GRK1: variants seen among roughly 807,000 people sequenced by gnomAD.
GRK1 encodes G protein-coupled receptor kinase 1.
GRK1 carries 28 observed loss-of-function variants against 41.7 expected under a neutral mutation model. The observed-to-expected ratio is 0.67, with a 90% CI of 0.50 to 0.92. GRK1 has a LOEUF of 0.92. Among genes scored for constraint, GRK1 ranks in the 40% least tolerant of loss-of-function variants. The pLI is 0.00. For missense variants in GRK1, 703 were observed against 671.2 expected (o/e 1.05, Z -0.52); for synonymous variants, 327 against 286.7 (o/e 1.14, Z -1.42).
the GRK1 span, chr13:113,649,319 G>C: frequency 6.5e-7 from 1 of 1,544,944 alleles, no homozygotes; most frequent in Non-Finnish European, 8.8e-7. This position sits in a 1 kb window ranked among gnomAD's most constrained non-coding sequence, Gnocchi z 4.7. Flanking sequence ...GCCCAACCAG[G>C]AGGGTGTCCT....
At chr13:113,734,065 T>C (rs891383990) in intron 6 of GRK1, among the ~76,000 whole-genome samples, 1 of 152,076 alleles carries the variant, frequency 6.6e-6, no homozygotes, top group Non-Finnish European at 1.5e-5. Flanking sequence ...TGTGTGCATG[T>C]GTGTGCGTGT....
At chr13:113,660,530 A>G in the GRK1 span, among the ~76,000 whole-genome samples, 2 of 152,254 alleles carry the variant, frequency 1.3e-5, no homozygotes, top group African/African-American at 4.8e-5. Flanking sequence ...GTTTCAGTAG[A>G]TAACCACTCA....
Position 113,667,441 on chromosome 13 carries a change from C to A in GRK1, c.55C>A (p.Arg19=). The A allele has an allele frequency of 6.2e-7, 1 of 1,606,086 alleles. No homozygotes were observed. The highest frequency in any genetic ancestry group is 2.2e-5 in the East Asian group (1 of 44,584). ...VVANSAFIAA[R]GSFDGSSSQP... is the part of the protein sequence containing the mutation. The stretch of plus-strand genomic sequence containing the variant: ...GGCCAACTCTGCCTTCATCGCCGCC[C>A]GAGGCAGCTTTGACGGCAGCAGCTC... Residue 19 remains arginine, a synonymous_variant, in exon 1 of 7, where the codon CGA becomes AGA. Coordinates refer to ENST00000335678, the MANE Select transcript of GRK1 (RefSeq NM_002929.3). The surrounding 1 kb of genome is among the most constrained non-coding windows in gnomAD (Gnocchi z 7.5).
At chr13:113,728,383 A>G (rs1200843872) in intron 4 of GRK1, among the ~76,000 whole-genome samples, 1 of 141,316 alleles carries the variant, frequency 7.1e-6, no homozygotes, top group Non-Finnish European at 1.5e-5. Flanking sequence ...CATGGCGAGG[A>G]GTACCCATGG....
rs1847239448 is a variant in GRK1, at chr13:113,671,399, G to A, written c.828-100G>A. ...GGCCAGGCCTCAAAACGACCAGAAC[G>A]CTGGCCGAGAGACATGGTTCTGAGG... On this transcript the variant is annotated intron_variant, in intron 2 of 6. Transcript: ENST00000335678. This position sits in a 1 kb window ranked among gnomAD's most constrained non-coding sequence, Gnocchi z 4.1. 3 of 746,162 alleles carry A rather than the reference G, an allele frequency of 4.0e-6. No homozygotes were observed. The highest frequency in any genetic ancestry group is 2.5e-5 in the East Asian group (1 of 40,766). The allele number at this position is 746,162 out of a possible 1,614,324, so 46.2% of individuals were successfully genotyped here.
chr13:113,663,114 A>C (rs1027543759), upstream of GRK1, among the ~76,000 whole-genome samples: 1 of 152,210 alleles, frequency 6.6e-6, no homozygotes, highest in Non-Finnish European at 1.5e-5. Flanking sequence ...TGTGGTGATC[A>C]AGATTGTATG....
chr13:113,663,655 G>A (rs1429472189), upstream of GRK1, among the ~76,000 whole-genome samples: 1 of 152,206 alleles, frequency 6.6e-6, no homozygotes, highest in Non-Finnish European at 1.5e-5. Flanking sequence ...AAGATGTGAA[G>A]AGACATTTCA....
intron 4 of GRK1, among the ~76,000 whole-genome samples, chr13:113,728,927 G>A (rs1274810365): frequency 2.6e-5 from 4 of 152,178 alleles, no homozygotes; most frequent in Non-Finnish European, 4.4e-5. Context: ...AGAGGTGGGA[G>A]GAGAGGAGAG....
At chr13:113,663,146 T>C (rs1190363458), upstream of GRK1, among the ~76,000 whole-genome samples, 2 of 152,086 alleles carry the variant, frequency 1.3e-5, no homozygotes, top group Non-Finnish European at 2.9e-5. Context: ...GGGAGACACA[T>C]AGATCAATGG....
intron 4 of GRK1, among the ~76,000 whole-genome samples, chr13:113,724,798 G>C (rs1386135985): frequency 2.0e-5 from 3 of 152,228 alleles, no homozygotes; most frequent in Admixed American, 1.3e-4. Flanking sequence ...TGGGTGGGTA[G>C]AAACGGTTGG....
the GRK1 span, among the ~76,000 whole-genome samples, chr13:113,657,262 C>A: frequency 2.0e-5 from 3 of 152,180 alleles, no homozygotes; most frequent in Non-Finnish European, 2.9e-5. Context: ...CCCTGGGAGC[C>A]GGGGACGGCA....
At chr13:113,657,250 T>C in the GRK1 span, among the ~76,000 whole-genome samples, 1 of 152,096 alleles carries the variant, frequency 6.6e-6, no homozygotes, top group South Asian at 2.1e-4. Context: ...GGGCCTGACC[T>C]TCCCTGGGAG....
chr13:113,661,210 C>T, the GRK1 span, among the ~76,000 whole-genome samples: 1 of 152,162 alleles, frequency 6.6e-6, no homozygotes, highest in African/African-American at 2.4e-5. Context: ...AGAAAAACCT[C>T]CAAATATGAA....
chr13:113,668,073 G>A lies in GRK1; in HGVS notation c.687G>A (p.Arg229=). 6.2e-7 allele frequency: 1 copy of A among 1,606,820 alleles called. No individual in the cohort carries two copies. Among genetic ancestry groups the A allele is most frequent in the Non-Finnish European group, 8.5e-7 (1 of 1,177,042 alleles). ...TGAACAAGAAGCGGCTGAAGAAGAG[G>A]AAGGGCTACCAGGTGAGCAGCGCGA... The part of the protein sequence containing the change: ...KKLNKKRLKK[R]KGYQGAMVEK... The change falls in exon 1 of 7, where the codon AGG becomes AGA. Residue 229 remains arginine (R), a synonymous_variant. Coordinates refer to ENST00000335678, the MANE Select transcript of GRK1 (RefSeq NM_002929.3).
In GRK1 at chr13:113,723,521, G is replaced by A. The variant is rs142583303; in HGVS notation, c.1069+364G>A. 5.1e-3 allele frequency among the ~76,000 whole-genome samples: 778 copies of A among 152,262 alleles called. 4 individuals are homozygous for A. The highest frequency in any genetic ancestry group is 0.014 in the Middle Eastern group (4 of 294). On this transcript the variant is annotated intron_variant, in intron 4 of 6. Coordinates refer to ENST00000335678, the MANE Select transcript of GRK1 (RefSeq NM_002929.3). ...AACACTGGTTCGGTCTGGAAAGGCG[G>A]GAGGGGGCTTCCAGGTCATAGGAAG... is the stretch of plus-strand genomic sequence containing the variant.
At chr13:113,665,651 TCCCAGCTGTGC>T (rs1190431594), upstream of GRK1, among the ~76,000 whole-genome samples, 9 of 149,120 alleles carry the variant, frequency 6.0e-5, no homozygotes, top group African/African-American at 2.0e-4. Context: ...CTCCAGTGTG[TCCCAGCTGTGC>T]CCCAGGTGTG....
At chr13:113,661,893 C>T in the GRK1 span, among the ~76,000 whole-genome samples, 1 of 152,140 alleles carries the variant, frequency 6.6e-6, no homozygotes. Flanking sequence ...ACAATTCTAC[C>T]AAACACTTAA....
At chr13:113,724,261 C>T (rs1264859763) in intron 4 of GRK1, among the ~76,000 whole-genome samples, 1 of 152,230 alleles carries the variant, frequency 6.6e-6, no homozygotes, top group African/African-American at 2.4e-5. Context: ...AGACCTCACA[C>T]GCCACGTGCC....
At chr13:113,651,667 T>C in the GRK1 span, 1 of 1,611,256 alleles carries the variant, frequency 6.2e-7, no homozygotes. Flanking sequence ...GCGGCCGTAC[T>C]CACCAGGAAG....
Sources: allele counts gnomAD v4.1 joint callset (sites outside exome capture counted in the v4.1 genomes callset), GRCh38; gene constraint gnomAD v4.1.1; non-coding constraint Gnocchi (gnomAD v3.1); transcripts MANE v1.5; gene names NCBI Gene and HGNC (gene_info 2026-07-23, HGNC 2026-07-21).